Variants in SLC7A11 observed in about 807,000 individuals in gnomAD.
The protein encoded by SLC7A11 is solute carrier family 7 member 11, also known as cystine/glutamate transporter.
SLC7A11 carries 35 observed loss-of-function variants against 54.5 expected under a neutral mutation model. That is an observed-to-expected ratio of 0.64 (90% CI 0.49 to 0.85). The LOEUF is 0.85. SLC7A11 is among the 40% of genes least tolerant of loss of function. The probability of loss-of-function intolerance (pLI) is 0.00; values close to 1 mark genes in which losing one functional copy is unlikely to be tolerated. For synonymous variants in SLC7A11, 230 were observed against 225.2 expected, an observed-to-expected ratio of 1.02 and a Z score of -0.19; for missense variants, 583 against 618.1, an observed-to-expected ratio of 0.94 and a Z score of 0.60.
At position 138,186,107 on chromosome 4, in the gene SLC7A11, C is replaced by T. The variant is rs149612126; in HGVS notation, c.792-863G>A. Among the ~76,000 whole-genome samples, 342 of 152,208 alleles carry T rather than the reference C, an allele frequency of 2.2e-3. 2 individuals carry two copies. Among genetic ancestry groups the T allele is most frequent in the African/African-American group, 7.9e-3 (330 of 41,544 alleles). ...GTCTTCATTTAATGCACTGGGAAAGCCAGGAAGTTACTGACCCTAATAATT... is the reference window on the plus strand; with the variant it reads ...GTCTTCATTTAATGCACTGGGAAAGTCAGGAAGTTACTGACCCTAATAATT... On this transcript the variant is annotated intron_variant, in intron 6 of 11. Transcript: ENST00000280612.
intron 6 of SLC7A11, among the ~76,000 whole-genome samples, chr4:138,197,180 T>A (rs1737158090): frequency 1.3e-5 from 2 of 152,284 alleles, no homozygotes; most frequent in African/African-American, 4.8e-5. Context: ...TATATCCAAC[T>A]ATTTGAATAC....
chr4:138,180,465 GT>G (rs911517603), intron 10 of SLC7A11, among the ~76,000 whole-genome samples, 175 bp downstream of exon 10: 2 of 151,946 alleles, frequency 1.3e-5, no homozygotes, highest in Non-Finnish European at 2.9e-5. Context: ...TGGATCCACT[GT>G]TTTTTTTCCA....
At chr4:138,233,929 T>C in intron 2 of SLC7A11, among the ~76,000 whole-genome samples, 1 of 141,370 alleles carries the variant, frequency 7.1e-6, no homozygotes, top group Non-Finnish European at 1.6e-5. Context: ...ATACTTCAGA[T>C]CTTAGTTCAA....
intron 11 of SLC7A11, chr4:138,178,119 A>G (rs746397396): frequency 4.6e-5 from 7 of 152,168 alleles, no homozygotes; most frequent in Admixed American, 6.6e-5. Flanking sequence ...ACTGGGGATA[A>G]TAATTTTCCT....
chr4:138,218,528 T>C (rs961207144), intron 5 of SLC7A11, among the ~76,000 whole-genome samples: 1 of 152,210 alleles, frequency 6.6e-6, no homozygotes, highest in African/African-American at 2.4e-5. Context: ...CATGATTACA[T>C]GATTACTGTT....
In SLC7A11 at chr4:138,232,419, G is replaced by A. The variant is rs760601461; in HGVS notation, c.405-37C>T. 8.9e-6 allele frequency: 10 copies of A among 1,125,254 alleles called. No individual in the cohort carries two copies. In the South Asian group the frequency reaches 9.2e-5, roughly 10 times the overall value. 69.7% of individuals were successfully genotyped at this position (1,125,254 alleles called of 1,614,324 possible). On this transcript the variant is annotated intron_variant, in intron 2 of 11. Transcript: ENST00000280612. ...TGTATATATTTAGGTTAACCACAGG[G>A]GAAAAAACTGCATTTTCATTAATTT...
At chr4:138,223,744 T>C (rs1737874642) in intron 3 of SLC7A11, among the ~76,000 whole-genome samples, 1 of 152,184 alleles carries the variant, frequency 6.6e-6, no homozygotes, top group African/African-American at 2.4e-5. Context: ...CCTGCCAATG[T>C]GGATCACACT....
chr4:138,232,171 G>C (rs1738094099), intron 3 of SLC7A11, 96 bp downstream of exon 3: 3 of 839,834 alleles, frequency 3.6e-6, no homozygotes, highest in Non-Finnish European at 4.1e-6. Context: ...CATGATGTGA[G>C]AGGCAATCCC....
chr4:138,219,154 C>T (rs896935942), intron 5 of SLC7A11, 112 bp downstream of exon 5: 10 of 651,898 alleles, frequency 1.5e-5, no homozygotes, highest in South Asian at 3.8e-5. Context: ...AAGCCTATCA[C>T]ACTGGATTAT....
At chr4:138,228,986 T>A (rs2148450724) in intron 3 of SLC7A11, among the ~76,000 whole-genome samples, 1 of 152,284 alleles carries the variant, frequency 6.6e-6, no homozygotes, top group Non-Finnish European at 1.5e-5. Context: ...AGTATTTACT[T>A]AACCCCCCAC....
chr4:138,236,231 G>T, intron 2 of SLC7A11, 94 bp downstream of exon 2: 1 of 1,005,242 alleles, frequency 9.9e-7, no homozygotes, highest in Non-Finnish European at 1.5e-6. Flanking sequence ...GTAGTCACAT[G>T]ACATGCATGT....
intron 6 of SLC7A11, among the ~76,000 whole-genome samples, chr4:138,189,133 T>C (rs1425149715): frequency 6.6e-6 from 1 of 152,202 alleles, no homozygotes; most frequent in Non-Finnish European, 1.5e-5. Context: ...TGGAAATCTC[T>C]AAAACATGTG....
chr4:138,192,199 G>A lies in SLC7A11; in HGVS notation c.792-6955C>T, dbSNP rs151205043. Reference sequence around the variant, plus strand: ...TTTCCAAAGTATAAGTTATTTATGAGAAGCAGCTACCAAAACAGACACCAC... The same window carrying A: ...TTTCCAAAGTATAAGTTATTTATGAAAAGCAGCTACCAAAACAGACACCAC... On this transcript the variant is annotated intron_variant, in intron 6 of 11. Transcript: ENST00000280612. 1.9e-3 allele frequency among the ~76,000 whole-genome samples: 285 copies of A among 152,202 alleles called. 1 individual carries two copies. The highest frequency in any genetic ancestry group is 6.3e-3 in the African/African-American group (260 of 41,536).
intron 11 of SLC7A11, 67 bp from the exon 12 acceptor site, chr4:138,172,084 T>C (rs1736440738): frequency 1.4e-6 from 2 of 1,479,612 alleles, no homozygotes; most frequent in Non-Finnish European, 1.8e-6. Flanking sequence ...TAGCAAAATA[T>C]GAATTATTTT....
At chr4:138,184,034 G>T (rs1219873473) in intron 7 of SLC7A11, among the ~76,000 whole-genome samples, 1 of 152,084 alleles carries the variant, frequency 6.6e-6, no homozygotes, top group East Asian at 1.9e-4. Context: ...TTCCATGAAG[G>T]ATGTATTTTC....
At chr4:138,211,942 A>G (rs891881016) in intron 6 of SLC7A11, among the ~76,000 whole-genome samples, 1 of 151,902 alleles carries the variant, frequency 6.6e-6, no homozygotes, top group African/African-American at 2.4e-5. Context: ...GTTAGATAAA[A>G]CATGTTCTAG....
Position 138,179,480 on chromosome 4 carries a change from A to T in SLC7A11, c.1267-86T>A, listed in dbSNP as rs76058676. On this transcript the variant is annotated intron_variant, in intron 10 of 11. Coordinates refer to ENST00000280612, the MANE Select transcript of SLC7A11 (RefSeq NM_014331.4). ...GAGATGAGCGTGTCAGTCATGACAT[A>T]TACTTTAGTGATATGCTGTAGTCAT... 1,184 of 1,161,102 alleles carry T rather than the reference A, an allele frequency of 1.0e-3. 1 individual carries two copies. Among genetic ancestry groups the T allele is most frequent in the African/African-American group, 6.6e-3 (431 of 65,172 alleles). The allele number at this position is 1,161,102 out of a possible 1,614,324, so 71.9% of individuals were successfully genotyped here. A position where few individuals can be genotyped will look rare whatever the true frequency, so the allele number is the denominator to read the frequency against.
intron 11 of SLC7A11, chr4:138,175,788 A>C (rs1736556614): frequency 6.6e-6 from 1 of 152,052 alleles, no homozygotes; most frequent in East Asian, 1.9e-4. Flanking sequence ...GCAGCCTTTC[A>C]CCATTTTCCG....
intron 1 of SLC7A11, among the ~76,000 whole-genome samples, chr4:138,237,078 T>C (rs895255812): frequency 1.4e-5 from 2 of 144,258 alleles, no homozygotes; most frequent in Non-Finnish European, 3.0e-5. Context: ...CTCTGCCTCC[T>C]GGGTTCACAC....
Sources: gnomAD v4.1 joint callset for allele counts (sites outside exome capture counted in the v4.1 genomes callset) on GRCh38, gnomAD v4.1.1 for gene constraint, MANE v1.5 for transcripts, NCBI Gene and HGNC (gene_info 2026-07-23, HGNC 2026-07-21) for gene names.